The following WARS2 variants were observed in gnomAD, a reference collection of about 807,000 sequenced individuals.
WARS2 encodes the protein tryptophanyl tRNA synthetase 2, mitochondrial.
In WARS2, 28 loss-of-function variants were observed where a neutral mutation model predicts 36.5. That is an observed-to-expected ratio of 0.77 (90% CI 0.57 to 1.05). The LOEUF (loss-of-function observed/expected upper bound fraction) is 1.05, where lower values mean the gene tolerates loss of function less well. Among genes scored for constraint, WARS2 ranks in the 50% least tolerant of loss-of-function variants. WARS2 has a pLI of 0.00. For synonymous variants in WARS2, 174 were observed against 178.4 expected (o/e 0.98, Z 0.20); for missense variants, 435 against 456.8 (o/e 0.95, Z 0.44).
At chr1:119,130,586 G>A (rs1656030488) in intron 1 of WARS2, among the ~76,000 whole-genome samples, 1 of 152,124 alleles carries the variant, frequency 6.6e-6, no homozygotes, top group Admixed American at 6.6e-5. Context: ...CTTATTAACT[G>A]CAACAAACAT....
chr1:119,072,858 A>G (rs902481831), intron 2 of WARS2, among the ~76,000 whole-genome samples: 6 of 152,192 alleles, frequency 3.9e-5, no homozygotes, highest in African/African-American at 1.4e-4. Context: ...ATACTTCAAC[A>G]AAGAAAATAA....
intron 1 of WARS2, among the ~76,000 whole-genome samples, chr1:119,110,375 C>T (rs1180262774): frequency 6.6e-6 from 1 of 151,952 alleles, no homozygotes; most frequent in Non-Finnish European, 1.5e-5. Flanking sequence ...ATTTCTTCTT[C>T]ACTTTTAAAT....
chr1:119,091,095 C>A (rs1259155414), intron 1 of WARS2, among the ~76,000 whole-genome samples: 1 of 152,074 alleles, frequency 6.6e-6, no homozygotes. Context: ...AAAATAGAAA[C>A]AATGTAGTGT....
At chr1:119,056,917 G>A (rs374333207) in intron 2 of WARS2, among the ~76,000 whole-genome samples, 3 of 152,110 alleles carry the variant, frequency 2.0e-5, no homozygotes, top group African/African-American at 4.8e-5. Context: ...GCTGGGTCAC[G>A]TGGTAAGTAT....
At position 119,032,964 on chromosome 1, in the gene WARS2, CT is replaced by C. The variant is rs754288860; in HGVS notation, c.1029del (p.Glu344AsnfsTer2). The C allele has an allele frequency of 6.2e-7, 1 of 1,614,238 alleles. No individual in the cohort carries two copies. The highest frequency in any genetic ancestry group is 8.5e-7 in the Non-Finnish European group (1 of 1,180,040). On this transcript the variant is annotated frameshift_variant, in exon 6 of 6. Coordinates refer to ENST00000235521, the MANE Select transcript of WARS2 (RefSeq NM_015836.4). LOFTEE classifies it high-confidence loss of function. ...KVLQIGSAKA[K>X]ELAYTVCQEV... ...TCCTGGCACACAGTGTATGCTAATT[CT>C]TTGGCTTTTGCTGATCCAATTTGTA...
rs1301351037 is a variant in WARS2 at position 119,032,288 on chromosome 1, A to T, written c.*623T>A. 1 of 152,138 alleles carries T rather than the reference A, an allele frequency of 6.6e-6. No individual in the cohort carries two copies. The highest frequency in any genetic ancestry group is 2.4e-5 in the African/African-American group (1 of 41,390). 9.4% of individuals were successfully genotyped at this position (152,138 alleles called of 1,614,324 possible). The stretch of plus-strand genomic sequence containing the variant: ...AAATAAATCAGGTCAAAATAATGCA[A>T]CCTCCTTAGAAGATCATATCCCATA... On this transcript the variant is annotated 3_prime_UTR_variant, in exon 6 of 6. Coordinates refer to ENST00000235521, the MANE Select transcript of WARS2 (RefSeq NM_015836.4).
chr1:119,034,069 G>A (rs1557929928), intron 5 of WARS2, 26 bp downstream of exon 5: 3 of 1,587,044 alleles, frequency 1.9e-6, no homozygotes, highest in Non-Finnish European at 2.6e-6. Context: ...ATACCCTGAT[G>A]TAACAATTAT....
At chr1:119,121,452 A>G (rs1445046188) in intron 1 of WARS2, among the ~76,000 whole-genome samples, 1 of 152,192 alleles carries the variant, frequency 6.6e-6, no homozygotes, top group African/African-American at 2.4e-5. Flanking sequence ...AATATTGTAA[A>G]AATGACCATA....
At chr1:119,123,184 G>T (rs912145416) in intron 1 of WARS2, among the ~76,000 whole-genome samples, 1 of 152,176 alleles carries the variant, frequency 6.6e-6, no homozygotes, top group South Asian at 2.1e-4. Flanking sequence ...TCTAAAGAAA[G>T]AATATGTTCC....
intron 1 of WARS2, among the ~76,000 whole-genome samples, chr1:119,092,823 T>C (rs927469349): frequency 1.3e-5 from 2 of 152,234 alleles, no homozygotes; most frequent in Non-Finnish European, 2.9e-5. Flanking sequence ...AAATGCTTAA[T>C]AAATATTAGC....
At chr1:119,136,342 C>T (rs987237731) in intron 1 of WARS2, among the ~76,000 whole-genome samples, 4 of 152,168 alleles carry the variant, frequency 2.6e-5, no homozygotes, top group African/African-American at 9.7e-5. Context: ...TCAACAGTTA[C>T]TATCAGTAGT....
At chr1:119,034,242 C>A in intron 4 of WARS2, 29 bp from the exon 5 acceptor site, 1 of 1,562,668 alleles carries the variant, frequency 6.4e-7, no homozygotes. Context: ...AGAAAAACAA[C>A]AGCAAGGCTC....
chr1:119,064,170 G>C (rs1039902645), intron 2 of WARS2: 1 of 147,052 alleles, frequency 6.8e-6, no homozygotes, highest in African/African-American at 2.6e-5. Flanking sequence ...AGATCATTTT[G>C]GAGCTTTAAG....
rs527937756 is a variant in WARS2, at chr1:119,051,762, A to ATTTT, written c.349-6104_349-6101dup. Among the ~76,000 whole-genome samples the ATTTT allele has an allele frequency of 9.8e-4, 112 of 114,276 alleles. 2 individuals carry two copies. The highest frequency in any genetic ancestry group is 1.4e-3 in the Non-Finnish European group (78 of 56,892). The allele number at this position is 114,276 out of a possible 152,430, so 75.0% of individuals were successfully genotyped here. A position where few individuals can be genotyped will look rare whatever the true frequency, so the allele number is the denominator to read the frequency against. On this transcript the variant is annotated intron_variant, in intron 2 of 5. Transcript: ENST00000235521. ...TGATATGAGTTGGTATCTCGCTGTA[A>ATTTT]TTTTTTTTTTTTTTTTTTTTTTTGA...
chr1:119,032,880 C>T lies in WARS2; in HGVS notation c.*31G>A. On this transcript the variant is annotated 3_prime_UTR_variant, in exon 6 of 6. Coordinates refer to ENST00000235521, the MANE Select transcript of WARS2 (RefSeq NM_015836.4). ...ATCAGAATGCATGGAGTGCAAGGCACAAAAGCCTTGCTGTGATTCGTTGAA... is the reference window on the plus strand; with the variant it reads ...ATCAGAATGCATGGAGTGCAAGGCATAAAAGCCTTGCTGTGATTCGTTGAA... 6.3e-7 allele frequency: 1 copy of T among 1,578,928 alleles called. No individual in the cohort carries two copies.
chr1:119,113,337 A>C (rs921747570), intron 1 of WARS2, among the ~76,000 whole-genome samples: 1 of 152,142 alleles, frequency 6.6e-6, no homozygotes, highest in Non-Finnish European at 1.5e-5. Flanking sequence ...ATGCCCAAGC[A>C]GGTGAAACCT....
intron 1 of WARS2, among the ~76,000 whole-genome samples, chr1:119,117,833 A>G (rs936576410): frequency 3.3e-5 from 5 of 152,102 alleles, no homozygotes; most frequent in African/African-American, 1.2e-4. Context: ...AGCAATAACA[A>G]TAACTGCAGT....
At chr1:119,133,568 T>G (rs1221242281) in intron 1 of WARS2, among the ~76,000 whole-genome samples, 1 of 152,210 alleles carries the variant, frequency 6.6e-6, no homozygotes, top group Admixed American at 6.5e-5. Flanking sequence ...CCTACCTTAT[T>G]GAGTTATGAG....
chr1:119,074,143 G>A (rs1470923188), intron 2 of WARS2, among the ~76,000 whole-genome samples: 1 of 152,192 alleles, frequency 6.6e-6, no homozygotes, highest in Non-Finnish European at 1.5e-5. Flanking sequence ...TGCATTAGGT[G>A]ACTCAAAAAG....
Sources: gnomAD v4.1 joint callset for allele counts (sites outside exome capture counted in the v4.1 genomes callset) on GRCh38, gnomAD v4.1.1 for gene constraint, MANE v1.5 for transcripts, NCBI Gene and HGNC (gene_info 2026-07-23, HGNC 2026-07-21) for gene names.